IWS1: variants seen among roughly 807,000 people sequenced by gnomAD.
The protein encoded by IWS1 is protein IWS1 homolog.
A neutral mutation model predicts 86.7 loss-of-function variants in IWS1; 27 were observed. The ratio of observed to expected loss-of-function variants is 0.31; its 90% CI spans 0.23 to 0.43. The LOEUF (loss-of-function observed/expected upper bound fraction) is 0.43, where lower values mean the gene tolerates loss of function less well. Ranked by LOEUF, IWS1 falls within the 20% of genes least tolerant of loss-of-function variation. The probability of loss-of-function intolerance (pLI) is 1.00; values close to 1 mark genes in which losing one functional copy is unlikely to be tolerated. For synonymous variants in IWS1, 313 were observed against 335.1 expected (o/e 0.93, Z 0.72); for missense variants, 827 against 1,000.8 (o/e 0.83, Z 2.34).
chr2:127,511,145 G>A (rs890015549), intron 2 of IWS1: 1 of 152,108 alleles, frequency 6.6e-6, no homozygotes, highest in South Asian at 2.1e-4. Context: ...CTCGCCCCAT[G>A]AAGTCTCTTC....
intron 5 of IWS1, 174 bp downstream of exon 5, chr2:127,502,639 ATG>A: frequency 2.5e-6 from 1 of 398,248 alleles, no homozygotes; most frequent in Non-Finnish European, 4.5e-6. Flanking sequence ...GCTTCCTTTT[ATG>A]TCTTTGTATA....
intron 2 of IWS1, among the ~76,000 whole-genome samples, chr2:127,519,812 C>T (rs1691987573): frequency 6.6e-6 from 1 of 152,130 alleles, no homozygotes; most frequent in African/African-American, 2.4e-5. Flanking sequence ...AGGAGGGATA[C>T]AGGAAGGTCA....
At chr2:127,513,796 T>A (rs933304230) in intron 2 of IWS1, among the ~76,000 whole-genome samples, 1 of 152,220 alleles carries the variant, frequency 6.6e-6, no homozygotes, top group South Asian at 2.1e-4. Context: ...AAGATCACCA[T>A]CATTTACATT....
In IWS1 at chr2:127,526,431, C is replaced by G; in HGVS notation, c.-223G>C. 2 of 1,535,174 alleles carry G rather than the reference C, an allele frequency of 1.3e-6. No individual in the cohort carries two copies. The highest frequency in any genetic ancestry group is 1.7e-6 in the Non-Finnish European group (2 of 1,144,168). ...CGTACCCGGCAGGCTGGCGGGCGGG[C>G]AGGCATGCGAGCCGGCGTTCTACTT... On this transcript the variant is annotated 5_prime_UTR_variant, in exon 1 of 14. Transcript: ENST00000295321.
chr2:127,525,124 T>TAGGGGCGTAGGGGGGGGGGGG (rs1692328399), intron 1 of IWS1, among the ~76,000 whole-genome samples: 1 of 84,562 alleles, frequency 1.2e-5, no homozygotes, highest in African/African-American at 4.6e-5. Context: ...GGGGGTGGGG[T>TAGGGGCGTAGGGGGGGGGGGG]ACGGGCATGG....
Position 127,480,898 on chromosome 2 carries a change from C to T in IWS1, c.*146G>A. 1.2e-6 allele frequency: 1 copy of T among 809,060 alleles called. No individual in the cohort carries two copies. Among genetic ancestry groups the T allele is most frequent in the South Asian group, 2.1e-5 (1 of 47,700 alleles). 50.1% of individuals were successfully genotyped at this position (809,060 alleles called of 1,614,324 possible). On this transcript the variant is annotated 3_prime_UTR_variant, in exon 14 of 14. Coordinates refer to ENST00000295321, the MANE Select transcript of IWS1 (RefSeq NM_017969.3). Reference sequence around the variant, plus strand: ...AAGTACACAACGGTTTTAAATATAACTGAGAGAAATGTGAGTCCTATGACA... The same window carrying T: ...AAGTACACAACGGTTTTAAATATAATTGAGAGAAATGTGAGTCCTATGACA...
At chr2:127,485,643 G>A (rs954606374) in intron 13 of IWS1, among the ~76,000 whole-genome samples, 3 of 152,102 alleles carry the variant, frequency 2.0e-5, no homozygotes, top group Non-Finnish European at 4.4e-5. Flanking sequence ...ATGCATATTA[G>A]GGAAGTAATT....
rs564653990 is a variant in IWS1 at position 127,522,947 on chromosome 2, C to T, written c.150+729G>A. Among the ~76,000 whole-genome samples the T allele has an allele frequency of 7.9e-5, 12 of 152,294 alleles. No homozygotes were observed. In the East Asian group the frequency reaches 1.5e-3, roughly 20 times the overall value. Reference sequence around the variant, plus strand: ...TTTGCAGGCCAGGTGTGGTGGCTCACGCCTGTAATCCTAGCACTTTGAGAG... The same window carrying T: ...TTTGCAGGCCAGGTGTGGTGGCTCATGCCTGTAATCCTAGCACTTTGAGAG... On this transcript the variant is annotated intron_variant, in intron 2 of 13. Coordinates refer to ENST00000295321, the MANE Select transcript of IWS1 (RefSeq NM_017969.3).
At chr2:127,496,288 T>C (rs1307494777) in intron 6 of IWS1, 140 bp from the exon 7 acceptor site, 3 of 914,364 alleles carry the variant, frequency 3.3e-6, no homozygotes, top group Middle Eastern at 2.9e-4. Context: ...AATACAGTCA[T>C]GCGCCGCATA....
At chr2:127,495,909 T>C (rs1690486019) in intron 7 of IWS1, 89 bp downstream of exon 7, 1 of 1,125,076 alleles carries the variant, frequency 8.9e-7, no homozygotes, top group Non-Finnish European at 1.2e-6. Flanking sequence ...GCATCTTAAT[T>C]GTAGTTTAAG....
chr2:127,501,547 G>A (rs961603941), intron 5 of IWS1, among the ~76,000 whole-genome samples: 13 of 151,766 alleles, frequency 8.6e-5, no homozygotes, highest in African/African-American at 2.7e-4. Context: ...TCCAATTTTT[G>A]CGAAAACTTT....
In IWS1 at chr2:127,481,137, A is replaced by G; in HGVS notation, c.2367T>C (p.Asp789=). The G allele has an allele frequency of 6.2e-7, 1 of 1,611,230 alleles. No homozygotes were observed. Among genetic ancestry groups the G allele is most frequent in the Non-Finnish European group, 8.5e-7 (1 of 1,179,108 alleles). ...ATSKKGISRL[D]KQMRKFTDIR... is the part of the protein sequence containing the mutation. ...TATCTGTGAACTTTCTCATCTGTTT[A>G]TCCAGTCGACTGATACCCTTCTTGG... Residue 789 remains aspartate, a synonymous_variant, in exon 14 of 14, where the codon GAT becomes GAC. Transcript: ENST00000295321.
Position 127,489,125 on chromosome 2 carries a change from C to T in IWS1, c.2216+54G>A. 1 of 1,267,100 alleles carries T rather than the reference C, an allele frequency of 7.9e-7. No individual in the cohort carries two copies. The highest frequency in any genetic ancestry group is 1.1e-6 in the Non-Finnish European group (1 of 885,090). The allele number at this position is 1,267,100 out of a possible 1,614,324, so 78.5% of individuals were successfully genotyped here. On this transcript the variant is annotated intron_variant, in intron 12 of 13. Transcript: ENST00000295321. The surrounding 1 kb of genome is among the most constrained non-coding windows in gnomAD (Gnocchi z 4.8). Reference sequence around the variant, plus strand: ...TCATTTACTACTTTTCTTAAAGCAGCAAACGGAAATTCTCTATATAGTCTA... The same window carrying T: ...TCATTTACTACTTTTCTTAAAGCAGTAAACGGAAATTCTCTATATAGTCTA...
At chr2:127,513,404 T>C (rs771921991) in intron 2 of IWS1, among the ~76,000 whole-genome samples, 5 of 152,232 alleles carry the variant, frequency 3.3e-5, no homozygotes, top group African/African-American at 1.2e-4. Flanking sequence ...AAAACTTCTA[T>C]AGGCTTCTGG....
chr2:127,513,453 T>TAAGAATTTG (rs1691581723), intron 2 of IWS1, among the ~76,000 whole-genome samples: 1 of 152,154 alleles, frequency 6.6e-6, no homozygotes, highest in Non-Finnish European at 1.5e-5. Flanking sequence ...TCTTCAAATT[T>TAAGAATTTG]AAGAAACTAT....
intron 2 of IWS1, among the ~76,000 whole-genome samples, chr2:127,513,878 A>G (rs1446570680): frequency 2.6e-5 from 4 of 152,228 alleles, no homozygotes; most frequent in African/African-American, 9.6e-5. Flanking sequence ...AATCACAATA[A>G]TAGCCTGTAT....
intron 2 of IWS1, among the ~76,000 whole-genome samples, chr2:127,521,673 G>C (rs1009465957): frequency 6.6e-6 from 1 of 152,238 alleles, no homozygotes; most frequent in Non-Finnish European, 1.5e-5. Context: ...ACTGAATACA[G>C]TGAAAAAACA....
rs1322601514 is a variant in IWS1 at position 127,504,671 on chromosome 2, G to A, written c.1219+13C>T. The A allele has an allele frequency of 2.6e-6, 4 of 1,568,246 alleles. No homozygotes were observed. Among genetic ancestry groups the A allele is most frequent in the African/African-American group, 2.7e-5 (2 of 73,542 alleles). ...ATAAAGCCATTGATAAACAGCCCAA[G>A]GTAACTCCTTACATGCTTTCTCTTC... On this transcript the variant is annotated intron_variant, in intron 3 of 13. Transcript: ENST00000295321.
chr2:127,525,247 A>G lies in IWS1; in HGVS notation c.34+928T>C, dbSNP rs367731490. Among the ~76,000 whole-genome samples the G allele has an allele frequency of 5.3e-5, 8 of 152,242 alleles. No individual in the cohort carries two copies. In the East Asian group the frequency reaches 1.4e-3, roughly 26 times the overall value. On this transcript the variant is annotated intron_variant, in intron 1 of 13. Transcript: ENST00000295321. ...AGTGCTGGGATTACAGGCATAATCC[A>G]CCGCACCTGGCTTAGGAAAGTGTTT...
Sources: gnomAD v4.1 joint callset for allele counts (sites outside exome capture counted in the v4.1 genomes callset) on GRCh38, gnomAD v4.1.1 for gene constraint, Gnocchi (gnomAD v3.1) non-coding constraint, MANE v1.5 for transcripts, NCBI Gene and HGNC (gene_info 2026-07-23, HGNC 2026-07-21) for gene names.